Variants in PCSK1 observed in about 807,000 individuals in gnomAD.
PCSK1 encodes the protein proprotein convertase subtilisin/kexin type 1.
PCSK1 carries 56 observed loss-of-function variants against 90.6 expected under a neutral mutation model. The ratio of observed to expected loss-of-function variants is 0.62; its 90% CI spans 0.50 to 0.77. PCSK1 has a LOEUF of 0.77. PCSK1 is among the 30% of genes least tolerant of loss of function. The pLI, the probability that PCSK1 is intolerant of heterozygous loss-of-function variation, is 0.00. For synonymous variants in PCSK1, 348 were observed against 342.4 expected (o/e 1.02, Z -0.18); for missense variants, 801 against 932.6 (o/e 0.86, Z 1.84).
intron 5 of PCSK1, among the ~76,000 whole-genome samples, chr5:96,417,233 A>G (rs1300894565): frequency 6.6e-6 from 1 of 152,208 alleles, no homozygotes; most frequent in African/African-American, 2.4e-5. Flanking sequence ...TTCCTGAAGT[A>G]GCAAAGATGA....
rs1013318400 is a variant in PCSK1, at chr5:96,418,568, C to A, written c.621-2447G>T. Among the ~76,000 whole-genome samples, 4 of 152,132 alleles carry A rather than the reference C, an allele frequency of 2.6e-5. No individual in the cohort carries two copies. In the East Asian group the frequency reaches 7.7e-4, roughly 29 times the overall value. ...ATTCAAATGTAGCTTCTATTAATCTCATTTACGTGGTAATAAAGAACAACA... is the reference window on the plus strand; with the variant it reads ...ATTCAAATGTAGCTTCTATTAATCTAATTTACGTGGTAATAAAGAACAACA... On this transcript the variant is annotated intron_variant, in intron 5 of 13. Transcript: ENST00000311106.
chr5:96,398,752 A>G, intron 11 of PCSK1, 127 bp downstream of exon 11: 1 of 806,850 alleles, frequency 1.2e-6, no homozygotes. Flanking sequence ...AAAAATAAGC[A>G]TGTTTTTTAA....
At chr5:96,418,017 T>A (rs974745576) in intron 5 of PCSK1, among the ~76,000 whole-genome samples, 1 of 152,220 alleles carries the variant, frequency 6.6e-6, no homozygotes, top group African/African-American at 2.4e-5. Flanking sequence ...AGAATCAATC[T>A]GCTGACAGAC....
intron 7 of PCSK1, among the ~76,000 whole-genome samples, chr5:96,412,060 C>G (rs886957195): frequency 6.6e-6 from 1 of 152,190 alleles, no homozygotes; most frequent in Non-Finnish European, 1.5e-5. Context: ...GGGGTTTCTC[C>G]ATATTGGCCA....
intron 13 of PCSK1, 24 bp downstream of exon 13, chr5:96,394,840 T>C: frequency 1.2e-6 from 2 of 1,612,148 alleles, no homozygotes; most frequent in Non-Finnish European, 1.7e-6. Context: ...AAAGAGAGCA[T>C]GCCAAGAACA....
At chr5:96,409,805 G>C (rs1393414512) in intron 8 of PCSK1, among the ~76,000 whole-genome samples, 1 of 152,234 alleles carries the variant, frequency 6.6e-6, no homozygotes, top group Non-Finnish European at 1.5e-5. Context: ...TAGCTGAAGA[G>C]ATGCGCGTGA....
chr5:96,411,713 G>A (rs1297019722), intron 7 of PCSK1, among the ~76,000 whole-genome samples: 1 of 152,146 alleles, frequency 6.6e-6, no homozygotes, highest in Non-Finnish European at 1.5e-5. Flanking sequence ...AAATGAGTAA[G>A]GAGAAAGAAA....
At chr5:96,396,133 A>G (rs1421584984) in intron 12 of PCSK1, among the ~76,000 whole-genome samples, 1 of 152,206 alleles carries the variant, frequency 6.6e-6, no homozygotes, top group South Asian at 2.1e-4. Context: ...ACATTTTACA[A>G]CTTCCATTTC....
At position 96,412,416 on chromosome 5, in the gene PCSK1, C is replaced by T. The variant is rs1167847771; in HGVS notation, c.784G>A (p.Asp262Asn). ...SSIGFNPGHV[D>N]IYSASWGPND... ...GGGCCCCAGCTTGCACTGTAAATAT[C>T]CACGTGTCCAGGATTGAATCCAATT... Residue 262 changes from aspartate (D) to asparagine (N), a missense_variant, in exon 7 of 14, where the codon GAT becomes AAT. Asp to Asn is a conservative substitution (Grantham distance 23). Transcript: ENST00000311106. 1 of 1,613,900 alleles carries T rather than the reference C, an allele frequency of 6.2e-7. No individual in the cohort carries two copies. Among genetic ancestry groups the T allele is most frequent in the Non-Finnish European group, 8.5e-7 (1 of 1,179,896 alleles).
At chr5:96,418,317 G>C (rs1285092573) in intron 5 of PCSK1, among the ~76,000 whole-genome samples, 1 of 152,110 alleles carries the variant, frequency 6.6e-6, no homozygotes, top group Non-Finnish European at 1.5e-5. Flanking sequence ...GTAGTAACTG[G>C]CATTTAAACA....
chr5:96,393,173 T>G lies in PCSK1; in HGVS notation c.2090A>C (p.Tyr697Ser), dbSNP rs138433207. Residue 697 changes from tyrosine (Y) to serine (S), a missense_variant, in exon 14 of 14, where the codon TAT becomes TCT. Physicochemically the swap from Tyr to Ser is moderately radical, Grantham distance 144 (BLOSUM62 -2). Coordinates refer to ENST00000311106, the MANE Select transcript of PCSK1 (RefSeq NM_000439.5). ...KSPSAKLNIP[Y>S]ENFYEALEKL... is the part of the protein sequence containing the mutation. The stretch of plus-strand genomic sequence containing the variant: ...TTCCAGGGCTTCGTAGAAGTTTTCA[T>G]AAGGGATGTTGAGCTTTGCACTTGG... 1.2e-6 allele frequency: 2 copies of G among 1,614,102 alleles called. No individual in the cohort carries two copies. The highest frequency in any genetic ancestry group is 1.7e-6 in the Non-Finnish European group (2 of 1,180,034).
Position 96,390,832 on chromosome 5 carries a change from G to A in PCSK1, c.*2169C>T, listed in dbSNP as rs1323768389. 1 of 152,588 alleles carries A rather than the reference G, an allele frequency of 6.6e-6. No homozygotes were observed. The highest frequency in any genetic ancestry group is 1.5e-5 in the Non-Finnish European group (1 of 68,038). The allele number at this position is 152,588 out of a possible 1,614,324, so 9.5% of individuals were successfully genotyped here. ...TTTATATCTGAATATTATACTCCAG[G>A]TTGGAAACATTCAATATGATTTTAT... On this transcript the variant is annotated 3_prime_UTR_variant, in exon 14 of 14. Coordinates refer to ENST00000311106, the MANE Select transcript of PCSK1 (RefSeq NM_000439.5).
intron 6 of PCSK1, among the ~76,000 whole-genome samples, chr5:96,414,135 T>C (rs1760867789): frequency 7.2e-6 from 1 of 138,980 alleles, no homozygotes; most frequent in Admixed American, 6.9e-5. Flanking sequence ...TGAGACTCTG[T>C]CTAAAAAAAA....
chr5:96,425,914 T>C lies in PCSK1; in HGVS notation c.302A>G (p.Gln101Arg). The change falls in exon 3 of 14, where the codon CAA (glutamine) becomes CGA (arginine). Residue 101 changes from glutamine (Q) to arginine (R), a missense_variant. Transcript: ENST00000311106. ...TTTACTTCTTTCTTTTTCATACTGT[T>C]GTTCAGCCCATATCACCTACAAGGA... ...SDDDRVIWAE[Q>R]QYEKERSKRS... The C allele has an allele frequency of 6.2e-7, 1 of 1,608,852 alleles. No individual in the cohort carries two copies. Among genetic ancestry groups the C allele is most frequent in the Non-Finnish European group, 8.5e-7 (1 of 1,175,582 alleles).
rs1580764441 is a variant in PCSK1 at position 96,421,876 on chromosome 5, T to G, written c.620+4A>C. ...TTATTTCACACAAATGCATATTTAC[T>G]CACTTGTTCTCGTTTGTGGGATCAT... On this transcript the variant is annotated splice_donor_region_variant and intron_variant, in intron 5 of 13. Coordinates refer to ENST00000311106, the MANE Select transcript of PCSK1 (RefSeq NM_000439.5). 1 of 1,440,356 alleles carries G rather than the reference T, an allele frequency of 6.9e-7. No homozygotes were observed. Among genetic ancestry groups the G allele is most frequent in the Non-Finnish European group, 9.8e-7 (1 of 1,022,426 alleles). The allele number at this position is 1,440,356 out of a possible 1,614,324, so 89.2% of individuals were successfully genotyped here.
chr5:96,399,851 A>C, intron 10 of PCSK1, 102 bp downstream of exon 10: 1 of 869,724 alleles, frequency 1.1e-6, no homozygotes, highest in Admixed American at 2.0e-5. Flanking sequence ...ACCTCCATCT[A>C]CTTCAGAAGG....
At chr5:96,419,948 AC>A in intron 5 of PCSK1, among the ~76,000 whole-genome samples, 1 of 152,060 alleles carries the variant, frequency 6.6e-6, no homozygotes, top group Non-Finnish European at 1.5e-5. Flanking sequence ...ACAAGTTATC[AC>A]CCACACTGGA....
chr5:96,429,562 C>G (rs1761427068), intron 1 of PCSK1, among the ~76,000 whole-genome samples: 1 of 152,060 alleles, frequency 6.6e-6, no homozygotes, highest in South Asian at 2.1e-4. Context: ...AGGTATTAAG[C>G]CCAATACCCA....
chr5:96,425,021 AAAGAAAGAAAG>A (rs1316552458), intron 3 of PCSK1, among the ~76,000 whole-genome samples: 47 of 63,564 alleles, frequency 7.4e-4, no homozygotes, highest in Non-Finnish European at 1.0e-3. Context: ...AGAAAGAAAG[AAAGAAAGAAAG>A]AAAGAAAGAA....
Sources: gnomAD v4.1 joint callset for allele counts (sites outside exome capture counted in the v4.1 genomes callset) on GRCh38, gnomAD v4.1.1 for gene constraint, MANE v1.5 for transcripts, NCBI Gene and HGNC (gene_info 2026-07-23, HGNC 2026-07-21) for gene names.